Variants in WDFY3 observed in about 807,000 individuals in gnomAD.
WDFY3 encodes WD repeat and FYVE domain-containing protein 3.
In WDFY3, 66 loss-of-function variants were observed where a neutral mutation model predicts 409.6. That is an observed-to-expected ratio of 0.16 (90% CI 0.13 to 0.20). The LOEUF is 0.20. Among genes scored for constraint, WDFY3 ranks in the 10% least tolerant of loss-of-function variants. The probability of loss-of-function intolerance (pLI) is 1.00; values close to 1 mark genes in which losing one functional copy is unlikely to be tolerated. For synonymous variants in WDFY3, 1,521 were observed against 1,537.1 expected (o/e 0.99, Z 0.25); for missense variants, 3,031 against 4,298.1 (o/e 0.71, Z 8.24).
intron 4 of WDFY3, among the ~76,000 whole-genome samples, chr4:84,854,215 TCAGAG>T (rs1191874798): frequency 1.3e-5 from 2 of 151,976 alleles, no homozygotes; most frequent in Non-Finnish European, 2.9e-5. Flanking sequence ...GGCAGTGAGA[TCAGAG>T]CTGTGCAAAG....
chr4:84,737,411 C>G (rs1193620781), intron 40 of WDFY3, 45 bp from the exon 41 acceptor site: 1 of 1,509,956 alleles, frequency 6.6e-7, no homozygotes, highest in Non-Finnish European at 8.8e-7. Flanking sequence ...AGCAAATGAT[C>G]AAAACACAGT....
At chr4:84,781,390 TTG>T (rs1170008870) in intron 25 of WDFY3, among the ~76,000 whole-genome samples, 31 of 149,780 alleles carry the variant, frequency 2.1e-4, no homozygotes, top group African/African-American at 6.2e-4. Flanking sequence ...TCTTTCCCTT[TTG>T]TTTTTTTTTT....
intron 2 of WDFY3, among the ~76,000 whole-genome samples, chr4:84,922,730 G>A (rs536777419): frequency 7.2e-5 from 11 of 152,094 alleles, no homozygotes; most frequent in Admixed American, 7.2e-4. Context: ...CACCATCAAA[G>A]CTCCCTGCAA....
At chr4:84,825,428 G>A (rs1754715685) in intron 10 of WDFY3, among the ~76,000 whole-genome samples, 2 of 150,368 alleles carry the variant, frequency 1.3e-5, no homozygotes, top group Admixed American at 6.7e-5. Context: ...GTGCAGTGGT[G>A]TGATGACAGC....
intron 2 of WDFY3, among the ~76,000 whole-genome samples, chr4:84,913,272 A>G (rs1325305322): frequency 1.3e-5 from 2 of 152,178 alleles, no homozygotes; most frequent in Admixed American, 6.5e-5. Context: ...GAAAGTCTAG[A>G]AAAATGACAC....
chr4:84,908,652 C>A (rs764821473), intron 2 of WDFY3, among the ~76,000 whole-genome samples: 3 of 152,120 alleles, frequency 2.0e-5, no homozygotes, highest in Non-Finnish European at 2.9e-5. Flanking sequence ...TATATTTCAA[C>A]TTTTTTTATT....
intron 2 of WDFY3, among the ~76,000 whole-genome samples, chr4:84,907,367 T>C (rs974212242): frequency 1.3e-5 from 2 of 152,170 alleles, no homozygotes; most frequent in African/African-American, 4.8e-5. Flanking sequence ...TTACTTGCCC[T>C]GAAGGAAGCC....
rs763290210 is a variant in WDFY3 at position 84,726,895 on chromosome 4, T to G, written c.7238A>C (p.Lys2413Thr). 6.2e-7 allele frequency: 1 copy of G among 1,607,860 alleles called. No individual in the cohort carries two copies. Among genetic ancestry groups the G allele is most frequent in the Non-Finnish European group, 8.5e-7 (1 of 1,178,198 alleles). ...AATATCATCGGGTGTCTCAGGCTGT[T>G]TACTTGGGATCTCAGACTGAAAACA... ...ETNVASEIPS[K>T]QPETPDDIPQ... Residue 2413 changes from lysine (K) to threonine (T), a missense_variant, in exon 45 of 68, where the codon AAA (lysine) becomes ACA (threonine). Lys to Thr is a moderately conservative substitution (Grantham distance 78). Transcript: ENST00000295888.
intron 16 of WDFY3, among the ~76,000 whole-genome samples, chr4:84,802,093 G>A (rs375403619): frequency 6.6e-6 from 1 of 151,426 alleles, no homozygotes; most frequent in Non-Finnish European, 1.5e-5. Context: ...GATAACAGGC[G>A]CCCACCACCA....
chr4:84,913,671 G>A (rs1768077526), intron 2 of WDFY3, among the ~76,000 whole-genome samples: 1 of 151,758 alleles, frequency 6.6e-6, no homozygotes, highest in South Asian at 2.1e-4. Context: ...TTTATGACAT[G>A]GACTCTTCTA....
chr4:84,883,256 T>C (rs982886407), intron 3 of WDFY3, among the ~76,000 whole-genome samples: 2 of 152,158 alleles, frequency 1.3e-5, no homozygotes, highest in Non-Finnish European at 2.9e-5. Context: ...AAAAATGCCT[T>C]TGGGGAAGAA....
chr4:84,685,074 C>T (rs1345884095), intron 62 of WDFY3, among the ~76,000 whole-genome samples: 1 of 152,188 alleles, frequency 6.6e-6, no homozygotes, highest in Admixed American at 6.5e-5. Context: ...ATATACCATA[C>T]CGTGCTGCCT....
intron 1 of WDFY3, among the ~76,000 whole-genome samples, chr4:84,936,364 T>A (rs977489226): frequency 2.0e-5 from 3 of 151,870 alleles, no homozygotes; most frequent in Admixed American, 1.3e-4. Flanking sequence ...CTACAAAAAA[T>A]TTAAAAATTA....
At chr4:84,849,334 G>A (rs1490797348) in intron 5 of WDFY3, among the ~76,000 whole-genome samples, 3 of 151,920 alleles carry the variant, frequency 2.0e-5, no homozygotes, top group Admixed American at 6.6e-5. Flanking sequence ...AAAAACAGTA[G>A]TTCAGAACAG....
intron 7 of WDFY3, 94 bp downstream of exon 7, chr4:84,836,835 G>A (rs1183740485): frequency 1.8e-6 from 2 of 1,111,376 alleles, no homozygotes; most frequent in Admixed American, 3.2e-5. Flanking sequence ...AATGAAATAT[G>A]AGTTAAAAAA....
At chr4:84,926,019 G>C (rs1769932686) in intron 2 of WDFY3, among the ~76,000 whole-genome samples, 1 of 150,774 alleles carries the variant, frequency 6.6e-6, no homozygotes, top group Non-Finnish European at 1.5e-5. Context: ...GTCTATACTT[G>C]TTTTCAGATT....
intron 7 of WDFY3, among the ~76,000 whole-genome samples, chr4:84,835,995 A>T (rs1247466927): frequency 6.6e-6 from 1 of 152,186 alleles, no homozygotes; most frequent in Non-Finnish European, 1.5e-5. Flanking sequence ...CTAGATCTAA[A>T]CATGTTGTTT....
At chr4:84,954,126 G>A (rs1213491325) in intron 1 of WDFY3, among the ~76,000 whole-genome samples, 39 of 152,218 alleles carry the variant, frequency 2.6e-4, no homozygotes, top group Non-Finnish European at 3.8e-4. Flanking sequence ...AGGAAAAAAA[G>A]CTTACAGAAT....
chr4:84,794,449 T>C (rs1471211759), intron 21 of WDFY3, 70 bp downstream of exon 21: 30 of 1,422,458 alleles, frequency 2.1e-5, no homozygotes, highest in Non-Finnish European at 2.9e-5. Context: ...GCTGGACTTT[T>C]AAAATAAATA....
Sources: allele counts gnomAD v4.1 joint callset (sites outside exome capture counted in the v4.1 genomes callset), GRCh38; gene constraint gnomAD v4.1.1; transcripts MANE v1.5; gene names NCBI Gene and HGNC (gene_info 2026-07-23, HGNC 2026-07-21).